Variants in TAF8 observed in about 807,000 individuals in gnomAD.
The protein encoded by TAF8 is TATA-box binding protein associated factor 8, also known as transcription initiation factor TFIID subunit 8.
TAF8 carries 47 observed loss-of-function variants against 36.5 expected under a neutral mutation model. That is an observed-to-expected ratio of 1.29 (90% CI 1.02 to 1.64). The LOEUF (loss-of-function observed/expected upper bound fraction) is 1.64. TAF8 is among the 40% of genes most tolerant of loss of function. TAF8 has a pLI of 0.00. For synonymous variants in TAF8, 175 were observed against 159.5 expected, an observed-to-expected ratio of 1.10 and a Z score of -0.73; for missense variants, 420 against 407.6, an observed-to-expected ratio of 1.03 and a Z score of -0.26.
Position 42,066,384 on chromosome 6 carries a change from C to T in TAF8, c.562C>T (p.Arg188Trp), listed in dbSNP as rs371516491. 2.5e-5 allele frequency: 41 copies of T among 1,614,048 alleles called. No individual in the cohort carries two copies. The highest frequency in any genetic ancestry group is 3.4e-5 in the Non-Finnish European group (40 of 1,180,020). ...TGCATCCCAGAGGCGCGATGTGGAG[C>T]GGGCACTTACCCGTTTCATGGCCAA... ...KAASQRRDVE[R>W]ALTRFMAKTG... The change falls in exon 6 of 9, where the codon CGG becomes TGG. Residue 188 changes from arginine to tryptophan, a missense_variant. Arg to Trp is a moderately radical substitution (Grantham distance 101, BLOSUM62 -3). Transcript: ENST00000372977.
Position 42,066,425 on chromosome 6 carries a change from G to T in TAF8, c.603G>T (p.Gln201His). The T allele has an allele frequency of 6.2e-7, 1 of 1,614,210 alleles. No individual in the cohort carries two copies. The highest frequency in any genetic ancestry group is 8.5e-7 in the Non-Finnish European group (1 of 1,180,036). Residue 201 changes from glutamine to histidine, a missense_variant, in exon 6 of 9, where the codon CAG (glutamine) becomes CAT (histidine). By Grantham distance (24) the Gln-to-His change is conservative (BLOSUM62 0). Coordinates refer to ENST00000372977, the MANE Select transcript of TAF8 (RefSeq NM_138572.3). ...TCATGGCCAAGACAGGCGAGACTCA[G>T]AGTCTTTTCAAAGATGACGTCAGCA... Reference protein sequence around the residue: ...TRFMAKTGETQSLFKDDVSTF... With the variant: ...TRFMAKTGETHSLFKDDVSTF...
chr6:42,077,692 C>G lies in TAF8; in HGVS notation c.*147C>G, dbSNP rs1765802832. 1 of 1,494,270 alleles carries G rather than the reference C, an allele frequency of 6.7e-7. No homozygotes were observed. Among genetic ancestry groups the G allele is most frequent in the African/African-American group, 1.4e-5 (1 of 70,764 alleles). The allele number at this position is 1,494,270 out of a possible 1,614,324, so 92.6% of individuals were successfully genotyped here. A position where few individuals can be genotyped will look rare whatever the true frequency, so the allele number is the denominator to read the frequency against. ...GGACATGATTTTCATGGCAAACCGT[C>G]TTATTAAGATGACCTATTTTCACTG... On this transcript the variant is annotated 3_prime_UTR_variant, in exon 9 of 9. Coordinates refer to ENST00000372977, the MANE Select transcript of TAF8 (RefSeq NM_138572.3).
chr6:42,055,681 C>T (rs755934103), intron 3 of TAF8, 52 bp downstream of exon 3: 4 of 1,390,342 alleles, frequency 2.9e-6, no homozygotes, highest in East Asian at 4.6e-5. Flanking sequence ...AGAGGAGTCC[C>T]TAGGAATCAG....
chr6:42,056,203 A>G, intron 4 of TAF8, 189 bp downstream of exon 4: 1 of 535,790 alleles, frequency 1.9e-6, no homozygotes, highest in South Asian at 2.1e-5. Flanking sequence ...TCAGTCACCA[A>G]AAGGTAAACC....
chr6:42,080,561 A>G lies in TAF8; in HGVS notation c.*3016A>G. ...CTAATTTTTTTTGTATTTTTGGTAGAGACGGGGTTTCACCAGGTTGGCCAG... is the reference window on the plus strand; with the variant it reads ...CTAATTTTTTTTGTATTTTTGGTAGGGACGGGGTTTCACCAGGTTGGCCAG... On this transcript the variant is annotated 3_prime_UTR_variant, in exon 9 of 9. Transcript: ENST00000372977. The G allele has an allele frequency of 2.0e-6, 1 of 503,738 alleles. No individual in the cohort carries two copies. Among genetic ancestry groups the G allele is most frequent in the Non-Finnish European group, 2.6e-6 (1 of 390,396 alleles). 31.2% of individuals were successfully genotyped at this position (503,738 alleles called of 1,614,324 possible). A position where few individuals can be genotyped will look rare whatever the true frequency, so the allele number is the denominator to read the frequency against.
chr6:42,061,058 A>G (rs560854782), intron 5 of TAF8, among the ~76,000 whole-genome samples: 102 of 152,330 alleles, frequency 6.7e-4, no homozygotes, highest in African/African-American at 2.3e-3. Flanking sequence ...CTCTATTCCA[A>G]TAGCACAGTT....
chr6:42,085,102 G>A (rs1030265505), downstream of TAF8, among the ~76,000 whole-genome samples: 1 of 152,090 alleles, frequency 6.6e-6, no homozygotes, highest in African/African-American at 2.4e-5. Flanking sequence ...CAGCAAATAC[G>A]GACACATTTT....
At chr6:42,054,157 C>A (rs1017000792) in intron 2 of TAF8, among the ~76,000 whole-genome samples, 4 of 152,100 alleles carry the variant, frequency 2.6e-5, no homozygotes, top group Admixed American at 2.6e-4. Flanking sequence ...AACCTCCTGT[C>A]CACCTTGGAA....
intron 5 of TAF8, among the ~76,000 whole-genome samples, chr6:42,059,837 T>G (rs1765128980): frequency 6.6e-6 from 1 of 152,216 alleles, no homozygotes; most frequent in Admixed American, 6.5e-5. Flanking sequence ...TTTGCAAACG[T>G]GGTTTCAGTC....
At chr6:42,055,761 C>G in intron 3 of TAF8, 132 bp downstream of exon 3, 2 of 804,156 alleles carry the variant, frequency 2.5e-6, no homozygotes, top group Non-Finnish European at 4.2e-6. Context: ...AGAGAGTTAT[C>G]AAGAGAGATT....
rs958617533 is a variant in TAF8, at chr6:42,081,559, T to G, written c.*4014T>G. 1.3e-4 allele frequency: 20 copies of G among 152,178 alleles called. No homozygotes were observed. The highest frequency in any genetic ancestry group is 4.8e-4 in the African/African-American group (20 of 41,414). The allele number at this position is 152,178 out of a possible 1,614,324, so 9.4% of individuals were successfully genotyped here. A position where few individuals can be genotyped will look rare whatever the true frequency, so the allele number is the denominator to read the frequency against. Reference sequence around the variant, plus strand: ...AATTTTTTGTATTTTTCAGTAGAGATGGAGTTTCACTGCATTAGCCAGGAT... The same window carrying G: ...AATTTTTTGTATTTTTCAGTAGAGAGGGAGTTTCACTGCATTAGCCAGGAT... On this transcript the variant is annotated 3_prime_UTR_variant, in exon 9 of 9. Coordinates refer to ENST00000372977, the MANE Select transcript of TAF8 (RefSeq NM_138572.3).
Position 42,081,899 on chromosome 6 carries a change from A to T in TAF8, c.*4354A>T, listed in dbSNP as rs1765936861. ...TCTGATTGATCTTTCTTTAAATTTTAATTTTGGAATAATTATAGATTCACA... is the reference window on the plus strand; with the variant it reads ...TCTGATTGATCTTTCTTTAAATTTTTATTTTGGAATAATTATAGATTCACA... On this transcript the variant is annotated 3_prime_UTR_variant, in exon 9 of 9. Transcript: ENST00000372977. 1.3e-5 allele frequency: 2 copies of T among 152,182 alleles called. No individual in the cohort carries two copies. Among genetic ancestry groups the T allele is most frequent in the African/African-American group, 4.8e-5 (2 of 41,442 alleles). The allele number at this position is 152,182 out of a possible 1,614,324, so 9.4% of individuals were successfully genotyped here.
downstream of TAF8, chr6:42,086,798 C>T (rs1766036195): frequency 4.0e-6 from 6 of 1,518,930 alleles, no homozygotes; most frequent in Non-Finnish European, 5.4e-6. Flanking sequence ...ACCAGGAGAG[C>T]AGCCACAAAG....
At position 42,077,230 on chromosome 6, in the gene TAF8, G is replaced by A. The variant is rs749343718; in HGVS notation, c.911G>A (p.Arg304His). 11 of 1,612,490 alleles carry A rather than the reference G, an allele frequency of 6.8e-6. No individual in the cohort carries two copies. Among genetic ancestry groups the A allele is most frequent in the South Asian group, 3.3e-5 (3 of 90,948 alleles). Residue 304 changes from arginine (R) to histidine (H), a missense_variant, in exon 8 of 9, where the codon CGC (arginine) becomes CAC (histidine). Physicochemically the swap from Arg to His is conservative, Grantham distance 29. Transcript: ENST00000372977. ...CGGCCGGTGAAGAAGCCCAAGATCCGCAGGAAGAAGTGAGTTGGAGGCTGG... is the reference window on the plus strand; with the variant it reads ...CGGCCGGTGAAGAAGCCCAAGATCCACAGGAAGAAGTGAGTTGGAGGCTGG... ...YLRPVKKPKIRRKKSLS is the reference protein window; with the variant it reads ...YLRPVKKPKIHRKKSLS
chr6:42,070,739 A>G (rs1228646846), intron 7 of TAF8, among the ~76,000 whole-genome samples: 1 of 152,222 alleles, frequency 6.6e-6, no homozygotes, highest in Non-Finnish European at 1.5e-5. Flanking sequence ...GATAAAAGAA[A>G]TAACGTGTTT....
Position 42,068,484 on chromosome 6 carries a change from CA to C in TAF8, c.658del (p.Thr220ProfsTer5). 6.2e-7 allele frequency: 1 copy of C among 1,614,140 alleles called. No individual in the cohort carries two copies. Among genetic ancestry groups the C allele is most frequent in the Non-Finnish European group, 8.5e-7 (1 of 1,180,040 alleles). ...CGCCAGTGATTGCTGCCAGACCTTT[CA>C]CCATCCCCTACCTGACAGCTCTTCT... ...TFPLIAARPF[T>X]IPYLTALLPS... On this transcript the variant is annotated frameshift_variant, in exon 7 of 9. Transcript: ENST00000372977. LOFTEE classifies it high-confidence loss of function.
chr6:42,084,470 C>T (rs1469584896), downstream of TAF8, among the ~76,000 whole-genome samples: 9 of 152,070 alleles, frequency 5.9e-5, no homozygotes, highest in Non-Finnish European at 1.3e-4. Flanking sequence ...GACGGAATCT[C>T]ACCCTGTCCC....
rs568335785 is a variant in TAF8, at chr6:42,072,863, C to T, written c.781-4237C>T. 7.4e-4 allele frequency among the ~76,000 whole-genome samples: 113 copies of T among 152,196 alleles called. No individual in the cohort carries two copies. In the South Asian group the frequency reaches 0.014, roughly 19 times the overall value. On this transcript the variant is annotated intron_variant, in intron 7 of 8. Transcript: ENST00000372977. ...TCAGCCTCCCCAGCAGCTAGGACTA[C>T]AGGCGCCCGCCACCACGCCCGGCTA...
At chr6:42,050,747 G>A (rs1464349481) in intron 1 of TAF8, 161 bp downstream of exon 1, 1 of 1,028,400 alleles carries the variant, frequency 9.7e-7, no homozygotes, top group Non-Finnish European at 1.4e-6. Context: ...CTTGGGACTT[G>A]GCTGCGGCCT....
Sources: gnomAD v4.1 joint callset for allele counts (sites outside exome capture counted in the v4.1 genomes callset) on GRCh38, gnomAD v4.1.1 for gene constraint, MANE v1.5 for transcripts, NCBI Gene and HGNC (gene_info 2026-07-23, HGNC 2026-07-21) for gene names.